DDX11: variants seen among roughly 807,000 people sequenced by gnomAD.
DDX11 encodes DEAD/H-box helicase 11.
DDX11 carries 72 observed loss-of-function variants against 125.2 expected under a neutral mutation model. The observed-to-expected ratio is 0.58, with a 90% CI of 0.48 to 0.70. The LOEUF is 0.70. Among genes scored for constraint, DDX11 ranks in the 30% least tolerant of loss-of-function variants. The pLI is 0.00. For synonymous variants in DDX11, 347 were observed against 452.6 expected, an observed-to-expected ratio of 0.77 and a Z score of 2.96; for missense variants, 883 against 1,165.0, an observed-to-expected ratio of 0.76 and a Z score of 3.52.
chr12:31,086,491 C>T (rs1943178860), intron 5 of DDX11, among the ~76,000 whole-genome samples: 1 of 151,896 alleles, frequency 6.6e-6, no homozygotes, highest in African/African-American at 2.4e-5. Flanking sequence ...CTGCCCAGGG[C>T]AGAGACCACC....
At chr12:31,103,546 G>C in intron 25 of DDX11, 31 bp from the exon 26 acceptor site, 2 of 1,613,716 alleles carry the variant, frequency 1.2e-6, no homozygotes. Context: ...GGCAGGTGTT[G>C]CTCGGAGCCC....
intron 14 of DDX11, among the ~76,000 whole-genome samples, chr12:31,095,797 TGG>T (rs1275264194): frequency 6.6e-6 from 1 of 152,160 alleles, no homozygotes; most frequent in Admixed American, 6.5e-5. Flanking sequence ...CTTCTTCCCA[TGG>T]GTCTCGGGTC....
rs146403928 is a variant in DDX11 at position 31,094,788 on chromosome 12, T to A, written c.1448T>A (p.Phe483Tyr). The change falls in exon 14 of 27, where the codon TTC (phenylalanine) becomes TAC (tyrosine). Residue 483 changes from phenylalanine (F) to tyrosine (Y), a missense_variant. Around this residue, in one of 5 missense-constraint regions of DDX11, gnomAD observed 241 missense variants for 279.7 expected, o/e 0.86. Coordinates refer to ENST00000542838, the MANE Select transcript of DDX11 (RefSeq NM_030653.4). Reference protein sequence around the residue: ...TELKTINDFLFQSQIDNINLF... With the variant: ...TELKTINDFLYQSQIDNINLF... The stretch of plus-strand genomic sequence containing the variant: ...CTGAAGACCATCAACGACTTTCTCT[T>A]CCAGAGCCAGATCGACAACATCAAC... 43 of 1,613,520 alleles carry A rather than the reference T, an allele frequency of 2.7e-5. No homozygotes were observed. The African/African-American group carries it at 5.6e-4, about 21-fold the overall frequency.
Position 31,100,704 on chromosome 12 carries a change from T to A in DDX11, c.1945T>A (p.Cys649Ser). 1 of 1,551,852 alleles carries A rather than the reference T, an allele frequency of 6.4e-7. No homozygotes were observed. Among genetic ancestry groups the A allele is most frequent in the Non-Finnish European group, 8.7e-7 (1 of 1,146,958 alleles). Residue 649 changes from cysteine (C) to serine (S), a missense_variant, in exon 19 of 27, where the codon TGT becomes AGT. Coordinates refer to ENST00000542838, the MANE Select transcript of DDX11 (RefSeq NM_030653.4). ...AGCTGAGCGCGTGGTGGAGTTTTCC[T>A]GTGGTGAGAAGCTGTGCCCAGGGTG... The part of the protein sequence containing the change: ...VEAERVVEFS[C>S]GHVIPPDNIL...
At chr12:31,084,109 T>C (rs1271429278) in intron 3 of DDX11, 48 bp downstream of exon 3, 1 of 1,609,288 alleles carries the variant, frequency 6.2e-7, no homozygotes, top group Non-Finnish European at 8.5e-7. Flanking sequence ...GAAACAGGGC[T>C]TCAGCGATTG....
rs76411285 is a variant in DDX11 at position 31,101,024 on chromosome 12, C to T, written c.1949-3C>T. 334 of 1,613,186 alleles carry T rather than the reference C, an allele frequency of 2.1e-4. 3 individuals are homozygous for T. The East Asian group carries it at 6.9e-3, about 33-fold the overall frequency. On this transcript the variant is annotated splice_region_variant and splice_polypyrimidine_tract_variant and intron_variant, in intron 19 of 26. Transcript: ENST00000542838. ...TTTTCGGCCCCTCCCTGGCTCTTAC[C>T]AGGTCACGTGATCCCTCCAGACAAC...
chr12:31,075,162 C>T (rs537663714), intron 1 of DDX11, among the ~76,000 whole-genome samples: 13 of 152,290 alleles, frequency 8.5e-5, no homozygotes, highest in African/African-American at 3.1e-4. Flanking sequence ...GAGGGCTGAA[C>T]AAGTCACTGC....
In DDX11 at chr12:31,073,906, CAG is replaced by C. The variant is rs532560758; in HGVS notation, c.-189_-188del. The C allele has an allele frequency of 8.2e-4, 125 of 152,396 alleles. No homozygotes were observed. Among genetic ancestry groups the C allele is most frequent in the African/African-American group, 2.9e-3 (119 of 41,586 alleles). The allele number at this position is 152,396 out of a possible 1,614,324, so 9.4% of individuals were successfully genotyped here. On this transcript the variant is annotated 5_prime_UTR_variant, in exon 1 of 27. Transcript: ENST00000542838. ...TGAGGGGACCCGCCAGTTTCTAACT[CAG>C]TGGCGTTTGCCCTGATTCCCGGGGC...
intron 4 of DDX11, 97 bp downstream of exon 4, chr12:31,084,766 G>A (rs3881296): frequency 0.46 from 560,893 of 1,210,644 alleles, 136,507 homozygotes; most frequent in East Asian, 0.85. Flanking sequence ...TCTCCCCTCC[G>A]TGACCCTCAC....
rs1286606760 is a variant in DDX11 at position 31,104,209 on chromosome 12, G to A, written c.*373G>A. 6.1e-6 allele frequency: 6 copies of A among 976,844 alleles called. No individual in the cohort carries two copies. Among genetic ancestry groups the A allele is most frequent in the East Asian group, 2.7e-5 (1 of 37,220 alleles). 60.5% of individuals were successfully genotyped at this position (976,844 alleles called of 1,614,324 possible). A position where few individuals can be genotyped will look rare whatever the true frequency, so the allele number is the denominator to read the frequency against. ...CGTCCTGCCCACCTTCTTAAGAGGC[G>A]AGATGGAGCAGGCCCATCTGCCTCT... On this transcript the variant is annotated 3_prime_UTR_variant, in exon 27 of 27. Transcript: ENST00000542838.
At chr12:31,095,452 C>T (rs1473880829) in intron 14 of DDX11, among the ~76,000 whole-genome samples, 1 of 152,220 alleles carries the variant, frequency 6.6e-6, no homozygotes, top group African/African-American at 2.4e-5. Context: ...ACAAGTGAGC[C>T]AATAGCAAGT....
rs1592561219 is a variant in DDX11 at position 31,078,049 on chromosome 12, C to T, written c.-4-341C>T. 1.1e-5 allele frequency: 5 copies of T among 462,998 alleles called. No individual in the cohort carries two copies. In the East Asian group the frequency reaches 3.3e-4, roughly 30 times the overall value. The allele number at this position is 462,998 out of a possible 1,614,324, so 28.7% of individuals were successfully genotyped here. The stretch of plus-strand genomic sequence containing the variant: ...AGTCATTATAAGCAACACCCTTGAT[C>T]TTAGGGGTGCTGGTCTGTGAGAAGA... On this transcript the variant is annotated intron_variant, in intron 1 of 26. Transcript: ENST00000542838.
intron 20 of DDX11, chr12:31,101,361 C>T: frequency 1.7e-6 from 1 of 589,796 alleles, no homozygotes; most frequent in Non-Finnish European, 3.0e-6. Flanking sequence ...TTCATAAAAC[C>T]TCCAGGCATC....
intron 22 of DDX11, 41 bp from the exon 23 acceptor site, chr12:31,102,386 A>G (rs1341293793): frequency 3.7e-6 from 6 of 1,610,640 alleles, no homozygotes; most frequent in Non-Finnish European, 4.2e-6. Context: ...GTGTCATCCA[A>G]GTTTTGGCTC....
Position 31,096,367 on chromosome 12 carries a change from G to C in DDX11, c.1509G>C (p.Met503Ile), listed in dbSNP as rs1187319283. ...FKVQRYCEKS[M>I]ISRKLFGFTE... The stretch of plus-strand genomic sequence containing the variant: ...TGCAGCGATACTGTGAGAAGAGCAT[G>C]ATCAGCAGAAAGGTAACTGCTCCCA... The change falls in exon 15 of 27, where the codon ATG (methionine) becomes ATC (isoleucine). Residue 503 changes from methionine (M) to isoleucine (I), a missense_variant. Coordinates refer to ENST00000542838, the MANE Select transcript of DDX11 (RefSeq NM_030653.4). 8 of 1,613,044 alleles carry C rather than the reference G, an allele frequency of 5.0e-6. No homozygotes were observed. In the Admixed American group the frequency reaches 6.7e-5, roughly 13 times the overall value.
chr12:31,100,154 G>T (rs1469659025), intron 18 of DDX11, among the ~76,000 whole-genome samples: 1 of 151,990 alleles, frequency 6.6e-6, no homozygotes, highest in Non-Finnish European at 1.5e-5. Flanking sequence ...GGGATTCCTG[G>T]GTTAAAAAGT....
intron 18 of DDX11, 46 bp from the exon 19 acceptor site, chr12:31,100,589 C>G: frequency 1.3e-6 from 2 of 1,530,006 alleles, no homozygotes; most frequent in Non-Finnish European, 1.8e-6. Flanking sequence ...TTCTGCTGGG[C>G]CTCTGAGGGG....
chr12:31,103,498 G>T, intron 25 of DDX11, 79 bp from the exon 26 acceptor site: 1 of 1,609,892 alleles, frequency 6.2e-7, no homozygotes, highest in Middle Eastern at 1.7e-4. Context: ...GTCTGAGGAA[G>T]GGGAGGGGGT....
chr12:31,102,192 A>G, intron 21 of DDX11, 51 bp from the exon 22 acceptor site: 2 of 1,596,886 alleles, frequency 1.3e-6, no homozygotes, highest in Non-Finnish European at 1.7e-6. Context: ...AGCAGACTCG[A>G]GACCTGGCAC....
Sources: gnomAD v4.1 joint callset for allele counts (sites outside exome capture counted in the v4.1 genomes callset) on GRCh38, gnomAD v4.1.1 for gene constraint, gnomAD v4.1.1 regional missense constraint, MANE v1.5 for transcripts, NCBI Gene and HGNC (gene_info 2026-07-23, HGNC 2026-07-21) for gene names.